The following TUSC3 variants were observed in gnomAD, a reference collection of about 807,000 sequenced individuals.
TUSC3 encodes the protein dolichyl-diphosphooligosaccharide--protein glycosyltransferase subunit TUSC3.
TUSC3 carries 45 observed loss-of-function variants against 44.8 expected under a neutral mutation model. That is an observed-to-expected ratio of 1.00 (90% CI 0.79 to 1.29). TUSC3 has a LOEUF of 1.29. Ranked by LOEUF, TUSC3 falls within the 50% of genes most tolerant of loss-of-function variation. The probability of loss-of-function intolerance (pLI) is 0.00; values close to 1 mark genes in which losing one functional copy is unlikely to be tolerated. For missense variants in TUSC3, 519 were observed against 437.9 expected, an observed-to-expected ratio of 1.19 and a Z score of -1.65; for synonymous variants, 212 against 152.9, an observed-to-expected ratio of 1.39 and a Z score of -2.85.
intron 3 of TUSC3, among the ~76,000 whole-genome samples, chr8:15,653,377 T>C (rs920577429): frequency 6.6e-6 from 1 of 152,228 alleles, no homozygotes; most frequent in East Asian, 1.9e-4. Flanking sequence ...CATATTTTTT[T>C]TTAAAATCTT....
At chr8:15,793,528 C>G in the TUSC3 span, among the ~76,000 whole-genome samples, 4 of 152,186 alleles carry the variant, frequency 2.6e-5, no homozygotes, top group African/African-American at 9.7e-5. Flanking sequence ...TCCCTACACC[C>G]TGTGTAAAAT....
At chr8:15,484,346 A>AAT (rs1678245564) in intron 2 of TUSC3, among the ~76,000 whole-genome samples, 1 of 152,208 alleles carries the variant, frequency 6.6e-6, no homozygotes. Context: ...AAATGAATAT[A>AAT]ATATAGTACT....
chr8:15,595,046 G>A (rs551398730), intron 1 of TUSC3, among the ~76,000 whole-genome samples: 2 of 152,214 alleles, frequency 1.3e-5, no homozygotes, highest in East Asian at 1.9e-4. Context: ...TTCTAAGGGG[G>A]ACTGGAACAG....
At chr8:15,508,049 C>G (rs1477981004) in intron 2 of TUSC3, among the ~76,000 whole-genome samples, 1 of 152,076 alleles carries the variant, frequency 6.6e-6, no homozygotes, top group South Asian at 2.1e-4. Context: ...CACGGCCAGC[C>G]TGGTCAACAT....
At chr8:15,847,235 G>C in the TUSC3 span, among the ~76,000 whole-genome samples, 3 of 152,236 alleles carry the variant, frequency 2.0e-5, no homozygotes, top group Admixed American at 2.0e-4. Context: ...TGAGACAGAA[G>C]AAAGAACAGG....
At chr8:15,570,076 A>T (rs1356381434) in intron 1 of TUSC3, among the ~76,000 whole-genome samples, 1 of 152,120 alleles carries the variant, frequency 6.6e-6, no homozygotes, top group East Asian at 1.9e-4. Flanking sequence ...TCAGGTTTAT[A>T]AAAGATTCCC....
chr8:15,549,404 C>A (rs572039268), intron 1 of TUSC3, among the ~76,000 whole-genome samples: 2 of 151,676 alleles, frequency 1.3e-5, no homozygotes, highest in South Asian at 2.1e-4. Context: ...AAACTCCTGA[C>A]CTCGTGATCT....
chr8:15,825,885 C>CTTTTT, the TUSC3 span, among the ~76,000 whole-genome samples: 2 of 120,390 alleles, frequency 1.7e-5, no homozygotes, highest in East Asian at 2.4e-4. Flanking sequence ...ACAGTTGTTT[C>CTTTTT]TTTTTTTTTT....
At chr8:15,432,631 T>G (rs1799885682) in intron 1 of TUSC3, among the ~76,000 whole-genome samples, 2 of 152,156 alleles carry the variant, frequency 1.3e-5, no homozygotes, top group Non-Finnish European at 2.9e-5. Flanking sequence ...TTTATTATCA[T>G]GGTGGTAAGG....
At chr8:15,746,572 T>C (rs1250659789) in intron 8 of TUSC3, among the ~76,000 whole-genome samples, 1 of 152,008 alleles carries the variant, frequency 6.6e-6, no homozygotes, top group Non-Finnish European at 1.5e-5. Context: ...TGCCTTCCCA[T>C]ATACAAGTAC....
rs187271452 is a variant in TUSC3, at chr8:15,741,942, A to T, written c.863-1596A>T. 3.7e-4 allele frequency among the ~76,000 whole-genome samples: 56 copies of T among 152,266 alleles called. 1 individual carries two copies. The Middle Eastern group carries it at 0.01, about 28-fold the overall frequency. On this transcript the variant is annotated intron_variant, in intron 7 of 10. Coordinates refer to ENST00000503731, the MANE Select transcript of TUSC3 (RefSeq NM_006765.4). ...CCTACATATGAACAGTTTTAGTGAA[A>T]CAAGTTTTTAATTTTTATCATGTTG... is the stretch of plus-strand genomic sequence containing the variant.
At chr8:15,529,257 A>G (rs1295414080) in intron 2 of TUSC3, among the ~76,000 whole-genome samples, 2 of 152,232 alleles carry the variant, frequency 1.3e-5, no homozygotes, top group African/African-American at 4.8e-5. Context: ...TGTTTCAGAT[A>G]TAAATTTACA....
At chr8:15,658,782 T>C (rs1055907588) in intron 3 of TUSC3, among the ~76,000 whole-genome samples, 3 of 152,004 alleles carry the variant, frequency 2.0e-5, no homozygotes, top group African/African-American at 7.2e-5. Context: ...TTTTTAGATA[T>C]TGTTAAATAA....
chr8:15,488,217 TTTTGTTGGCTGTGTGTGGTGGCTCAGA>T (rs1800759362), intron 2 of TUSC3, among the ~76,000 whole-genome samples: 3 of 152,168 alleles, frequency 2.0e-5, no homozygotes, highest in African/African-American at 7.2e-5. Context: ...TCTAAAGTGT[TTTTGTTGGCTGTGTGTGGTGGCTCAGA>T]CCTATAATCC....
At chr8:15,497,350 A>G (rs923707762) in intron 2 of TUSC3, among the ~76,000 whole-genome samples, 1 of 152,160 alleles carries the variant, frequency 6.6e-6, no homozygotes, top group Non-Finnish European at 1.5e-5. Context: ...AGCTTAGGGT[A>G]CCCAAATCTT....
the TUSC3 span, among the ~76,000 whole-genome samples, chr8:15,834,592 T>A: frequency 6.6e-6 from 1 of 152,204 alleles, no homozygotes; most frequent in Non-Finnish European, 1.5e-5. Flanking sequence ...TATGCCTTTT[T>A]AGCAGCTGGG....
At chr8:15,527,772 C>T (rs934468427) in intron 2 of TUSC3, among the ~76,000 whole-genome samples, 1 of 152,172 alleles carries the variant, frequency 6.6e-6, no homozygotes, top group Non-Finnish European at 1.5e-5. Flanking sequence ...AGTAACTAAG[C>T]ACTAGTTACT....
At chr8:15,632,739 C>T (rs1433562241) in intron 2 of TUSC3, among the ~76,000 whole-genome samples, 1 of 152,186 alleles carries the variant, frequency 6.6e-6, no homozygotes, top group Admixed American at 6.5e-5. Context: ...TTGCCAACCT[C>T]ACTTACCTTT....
At chr8:15,784,776 GAGAGATGATA>G in the TUSC3 span, among the ~76,000 whole-genome samples, 2 of 152,156 alleles carry the variant, frequency 1.3e-5, no homozygotes, top group African/African-American at 4.8e-5. Flanking sequence ...AGAGGCAAAG[GAGAGATGATA>G]GTCAAAGGGG....
Sources: allele counts gnomAD v4.1 joint callset (sites outside exome capture counted in the v4.1 genomes callset), GRCh38; gene constraint gnomAD v4.1.1; transcripts MANE v1.5; gene names NCBI Gene and HGNC (gene_info 2026-07-23, HGNC 2026-07-21).